HACD2: variants seen among roughly 807,000 people sequenced by gnomAD.
HACD2 encodes 3-hydroxyacyl-CoA dehydratase 2.
A neutral mutation model predicts 31.0 loss-of-function variants in HACD2; 15 were observed. The observed-to-expected ratio is 0.48, with a 90% CI of 0.32 to 0.75. The LOEUF is 0.75. HACD2 is among the 30% of genes least tolerant of loss of function. HACD2 has a pLI of 0.03. For synonymous variants in HACD2, 115 were observed against 122.2 expected (o/e 0.94, Z 0.39); for missense variants, 283 against 313.0 (o/e 0.90, Z 0.72).
intron 4 of HACD2, among the ~76,000 whole-genome samples, chr3:123,525,209 A>G (rs2056265547): frequency 1.3e-5 from 2 of 152,140 alleles, no homozygotes; most frequent in South Asian, 4.1e-4. Context: ...TTGTTCATTT[A>G]TATGGTCTCT....
rs149856963 is a variant in HACD2 at position 123,570,917 on chromosome 3, T to TACACACACACACACACACACACAC, written c.274-3161_274-3138dup. 2.8e-3 allele frequency among the ~76,000 whole-genome samples: 401 copies of TACACACACACACACACACACACAC among 144,816 alleles called. 1 individual carries two copies. Among genetic ancestry groups the TACACACACACACACACACACACAC allele is most frequent in the East Asian group, 0.011 (53 of 4,792 alleles). ...TTTCACAACCTAGATTTCATACCATTACACACACACACACACACACACACA... is the reference window on the plus strand; with the variant it reads ...TTTCACAACCTAGATTTCATACCATTACACACACACACACACACACACACACACACACACACACACACACACACA... On this transcript the variant is annotated intron_variant, in intron 2 of 6. Transcript: ENST00000383657.
intron 3 of HACD2, among the ~76,000 whole-genome samples, chr3:123,550,270 C>T (rs188211742): frequency 5.9e-5 from 9 of 152,182 alleles, no homozygotes; most frequent in Middle Eastern, 6.8e-3. Context: ...AAAGAACAGG[C>T]GCAGGATCAA....
At chr3:123,522,084 T>C (rs1035652257) in intron 4 of HACD2, among the ~76,000 whole-genome samples, 2 of 151,952 alleles carry the variant, frequency 1.3e-5, no homozygotes, top group African/African-American at 2.4e-5. Flanking sequence ...GGCAGGAGGA[T>C]TGTGTGAGGC....
chr3:123,563,937 C>T (rs2720322), intron 3 of HACD2, among the ~76,000 whole-genome samples: 55,321 of 151,894 alleles, frequency 0.36, 11,124 homozygotes, highest in African/African-American at 0.55. Context: ...CAGGAAGATA[C>T]ATGGGAATCC....
chr3:123,524,430 TGAGCAGTAAAA>T (rs2056253377), intron 4 of HACD2, among the ~76,000 whole-genome samples: 1 of 152,108 alleles, frequency 6.6e-6, no homozygotes, highest in Non-Finnish European at 1.5e-5. Context: ...TCAGAGCACT[TGAGCAGTAAAA>T]AAACAGAGAA....
intron 4 of HACD2, 77 bp downstream of exon 4, chr3:123,528,309 A>C (rs369788118): frequency 1.1e-6 from 1 of 889,380 alleles, no homozygotes. Flanking sequence ...CTCTTTAGCC[A>C]TAACAAACAT....
intron 3 of HACD2, among the ~76,000 whole-genome samples, chr3:123,557,592 T>C (rs1409226585): frequency 6.6e-6 from 1 of 152,114 alleles, no homozygotes; most frequent in Non-Finnish European, 1.5e-5. Context: ...TGAGCTATGA[T>C]TGCTCCACTG....
At position 123,585,017 on chromosome 3, in the gene HACD2, A is replaced by G; in HGVS notation, c.11T>C (p.Val4Ala). The G allele has an allele frequency of 7.1e-7, 1 of 1,413,214 alleles. No homozygotes were observed. Among genetic ancestry groups the G allele is most frequent in the East Asian group, 3.0e-5 (1 of 33,268 alleles). 87.5% of individuals were successfully genotyped at this position (1,413,214 alleles called of 1,614,324 possible). Residue 4 changes from valine (V) to alanine (A), a missense_variant, in exon 1 of 7, where the codon GTG (valine) becomes GCG (alanine). Physicochemically the swap from Val to Ala is moderately conservative, Grantham distance 64. This residue lies in a region of HACD2 where 158 missense variants were observed against 148.3 expected (regional missense o/e 1.07). Transcript: ENST00000383657. MAA[V>A]AATAAAKGNG... ...CCCCTTCGCTGCTGCAGTCGCCGCC[A>G]CTGCCGCCATGTCAAGTGCCCGAAG... is the stretch of plus-strand genomic sequence containing the variant.
intron 2 of HACD2, among the ~76,000 whole-genome samples, chr3:123,571,232 A>ATGG (rs766397849): frequency 7.2e-5 from 11 of 152,212 alleles, no homozygotes; most frequent in Non-Finnish European, 1.3e-4. Flanking sequence ...CATACCAATG[A>ATGG]TGGTGGTAGG....
rs910330616 is a variant in HACD2, at chr3:123,584,767, T to C, written c.155+106A>G. On this transcript the variant is annotated intron_variant, in intron 1 of 6. Transcript: ENST00000383657. ...GGTCCCGGGCACCCCCCGCCGGGAA[T>C]GCACTGCCTGCGGCGGGCCGCGCCG... The C allele has an allele frequency of 6.6e-6, 6 of 907,960 alleles. No individual in the cohort carries two copies. The African/African-American group carries it at 1.1e-4, about 16-fold the overall frequency. The allele number at this position is 907,960 out of a possible 1,614,324, so 56.2% of individuals were successfully genotyped here.
intron 3 of HACD2, among the ~76,000 whole-genome samples, chr3:123,557,378 T>C (rs562748770): frequency 9.2e-5 from 14 of 152,328 alleles, no homozygotes; most frequent in Non-Finnish European, 1.8e-4. Context: ...AAAGAGGTTG[T>C]GGACCGCTGC....
intron 2 of HACD2, among the ~76,000 whole-genome samples, chr3:123,569,244 G>C (rs772434101): frequency 6.6e-6 from 1 of 152,176 alleles, no homozygotes; most frequent in East Asian, 1.9e-4. Flanking sequence ...GTGTAAATAT[G>C]ATAAGCTACA....
chr3:123,563,447 T>C lies in HACD2; in HGVS notation c.292+4315A>G, dbSNP rs2056755612. On this transcript the variant is annotated intron_variant, in intron 3 of 6. Coordinates refer to ENST00000383657, the MANE Select transcript of HACD2 (RefSeq NM_198402.5). ...GCAGGGCACAGATCATGAAGAAATT[T>C]AAACCAGCAAAAGGTTTTAAGTAGG... is the stretch of plus-strand genomic sequence containing the variant. Among the ~76,000 whole-genome samples the C allele has an allele frequency of 2.0e-5, 3 of 152,112 alleles. No homozygotes were observed. The South Asian group carries it at 6.2e-4, about 32-fold the overall frequency.
intron 3 of HACD2, among the ~76,000 whole-genome samples, chr3:123,551,096 A>G (rs999872573): frequency 1.3e-5 from 2 of 152,088 alleles, no homozygotes; most frequent in Admixed American, 1.3e-4. Context: ...CTCTGTGAGG[A>G]CAGAGGTGAC....
At chr3:123,504,869 C>T (rs2055953691) in intron 4 of HACD2, among the ~76,000 whole-genome samples, 2 of 108,934 alleles carry the variant, frequency 1.8e-5, no homozygotes, top group South Asian at 7.5e-4. Context: ...ATTATACAAC[C>T]AATAACTCAA....
intron 3 of HACD2, among the ~76,000 whole-genome samples, chr3:123,536,530 A>G (rs541200503): frequency 1.3e-5 from 2 of 152,238 alleles, no homozygotes; most frequent in Non-Finnish European, 2.9e-5. Flanking sequence ...ACAACCCAAC[A>G]TAAGGATAAC....
chr3:123,492,830 A>G lies in HACD2; in HGVS notation c.*2058T>C, dbSNP rs1336049944. On this transcript the variant is annotated 3_prime_UTR_variant, in exon 7 of 7. Coordinates refer to ENST00000383657, the MANE Select transcript of HACD2 (RefSeq NM_198402.5). ...GACAAATATAACCCAAGTTGATTCT[A>G]TTTTATAGTAGAAATACATTATGGA... 3 of 152,252 alleles carry G rather than the reference A, an allele frequency of 2.0e-5. No individual in the cohort carries two copies. The highest frequency in any genetic ancestry group is 2.0e-4 in the Admixed American group (3 of 15,286). The allele number at this position is 152,252 out of a possible 1,614,324, so 9.4% of individuals were successfully genotyped here. A position where few individuals can be genotyped will look rare whatever the true frequency, so the allele number is the denominator to read the frequency against.
rs2056975602 is a variant in HACD2, at chr3:123,582,404, G to A, written c.156-75C>T. On this transcript the variant is annotated intron_variant, in intron 1 of 6. Coordinates refer to ENST00000383657, the MANE Select transcript of HACD2 (RefSeq NM_198402.5). ...AGCATTTAGGTTAACACACAGCTGT[G>A]GCAATAAAAGATATTGCTAAAGGTG... 3.3e-5 allele frequency: 32 copies of A among 957,368 alleles called. No homozygotes were observed. In the South Asian group the frequency reaches 5.5e-4, roughly 16 times the overall value. The allele number at this position is 957,368 out of a possible 1,614,324, so 59.3% of individuals were successfully genotyped here. A position where few individuals can be genotyped will look rare whatever the true frequency, so the allele number is the denominator to read the frequency against.
At position 123,538,840 on chromosome 3, in the gene HACD2, T is replaced by C. The variant is rs1262234879; in HGVS notation, c.293-10366A>G. On this transcript the variant is annotated intron_variant, in intron 3 of 6. Coordinates refer to ENST00000383657, the MANE Select transcript of HACD2 (RefSeq NM_198402.5). ...TATACTATCTTTGGATAATGTAATTTTAATATAGTTCCTAAATGAGAGCCA... is the reference window on the plus strand; with the variant it reads ...TATACTATCTTTGGATAATGTAATTCTAATATAGTTCCTAAATGAGAGCCA... Among the ~76,000 whole-genome samples the C allele has an allele frequency of 1.2e-4, 18 of 152,190 alleles. 1 individual carries two copies. Among genetic ancestry groups the C allele is most frequent in the Admixed American group, 1.2e-3 (18 of 15,286 alleles).
Sources: allele counts gnomAD v4.1 joint callset (sites outside exome capture counted in the v4.1 genomes callset), GRCh38; gene constraint gnomAD v4.1.1; regional missense constraint gnomAD v4.1.1; transcripts MANE v1.5; gene names NCBI Gene and HGNC (gene_info 2026-07-23, HGNC 2026-07-21).